MAGI2: variants seen among roughly 807,000 people sequenced by gnomAD.
The protein encoded by MAGI2 is membrane-associated guanylate kinase, WW and PDZ domain-containing protein 2.
Under a neutral mutation model 133.3 loss-of-function variants are expected in MAGI2, and 35 were observed. That is an observed-to-expected ratio of 0.26 (90% CI 0.20 to 0.35). MAGI2 has a LOEUF of 0.35. Among genes scored for constraint, MAGI2 ranks in the 10% least tolerant of loss-of-function variants. MAGI2 has a pLI of 1.00. For missense variants in MAGI2, 1,636 were observed against 1,863.4 expected, an observed-to-expected ratio of 0.88 and a Z score of 2.25; for synonymous variants, 729 against 710.6, an observed-to-expected ratio of 1.03 and a Z score of -0.41.
chr7:78,674,731 CA>C (rs745668934), intron 2 of MAGI2, among the ~76,000 whole-genome samples: 101 of 152,078 alleles, frequency 6.6e-4, no homozygotes, highest in Non-Finnish European at 9.9e-4. Flanking sequence ...AGATTATATG[CA>C]ACTATTCAAT....
chr7:79,087,124 T>G (rs970891842), intron 1 of MAGI2, among the ~76,000 whole-genome samples: 3 of 151,830 alleles, frequency 2.0e-5, no homozygotes, highest in African/African-American at 7.2e-5. Flanking sequence ...AGAAAAATAA[T>G]TACTTGATTC....
At chr7:78,666,889 T>A (rs1813653443) in intron 2 of MAGI2, among the ~76,000 whole-genome samples, 1 of 152,168 alleles carries the variant, frequency 6.6e-6, no homozygotes, top group Non-Finnish European at 1.5e-5. Flanking sequence ...TCTATTAACA[T>A]CAGTTTCTTC....
At chr7:78,962,832 A>G (rs375047760) in intron 2 of MAGI2, among the ~76,000 whole-genome samples, 3,912 of 76,472 alleles carry the variant, frequency 0.051, 167 homozygotes, top group African/African-American at 0.19. Flanking sequence ...CTAATTATCA[A>G]ATTAAACTCT....
intron 2 of MAGI2, among the ~76,000 whole-genome samples, chr7:78,783,207 A>C (rs2151346570): frequency 6.6e-6 from 1 of 152,200 alleles, no homozygotes; most frequent in Middle Eastern, 3.4e-3. Flanking sequence ...GCTCTTCAAG[A>C]TAAAATCCTC....
intron 9 of MAGI2, among the ~76,000 whole-genome samples, chr7:78,327,158 T>G (rs1313782508): frequency 6.6e-6 from 1 of 152,210 alleles, no homozygotes; most frequent in Non-Finnish European, 1.5e-5. Flanking sequence ...TGGGTATTCC[T>G]TGCCCAGCAG....
intron 1 of MAGI2, among the ~76,000 whole-genome samples, chr7:79,352,066 T>C (rs1390945633): frequency 3.3e-5 from 5 of 152,142 alleles, no homozygotes; most frequent in Admixed American, 6.5e-5. Flanking sequence ...TAACACCATA[T>C]AGAAATTAAT....
rs907240093 is a variant in MAGI2 at position 79,366,834 on chromosome 7, T to G, written c.301+86186A>C. 6.6e-5 allele frequency among the ~76,000 whole-genome samples: 10 copies of G among 152,338 alleles called. No homozygotes were observed. The South Asian group carries it at 2.1e-3, about 32-fold the overall frequency. ...AACAGAATTTTTTCATAGGATATAT[T>G]ATGATGTTGGGTAAAACACATACAA... On this transcript the variant is annotated intron_variant, in intron 1 of 21. Transcript: ENST00000354212.
chr7:78,627,283 T>A, intron 2 of MAGI2, 44 bp from the exon 3 acceptor site: 1 of 1,456,704 alleles, frequency 6.9e-7, no homozygotes, highest in East Asian at 2.6e-5. Flanking sequence ...GCTAAGTGAT[T>A]TGTTGTTGAA....
chr7:79,341,614 T>A (rs1015686567), intron 1 of MAGI2, among the ~76,000 whole-genome samples: 3 of 152,178 alleles, frequency 2.0e-5, no homozygotes, highest in South Asian at 2.1e-4. Flanking sequence ...AGTTCATAAA[T>A]ATCAACACTC....
chr7:78,643,967 C>CA (rs1266342703), intron 2 of MAGI2, among the ~76,000 whole-genome samples: 2 of 151,066 alleles, frequency 1.3e-5, no homozygotes, highest in African/African-American at 2.4e-5. Flanking sequence ...TATAATAATG[C>CA]AAAAAAAGTT....
At chr7:79,313,437 G>A (rs527286704) in intron 1 of MAGI2, among the ~76,000 whole-genome samples, 15 of 151,398 alleles carry the variant, frequency 9.9e-5, no homozygotes, top group African/African-American at 2.4e-4. Flanking sequence ...TCTCCCTCCC[G>A]CCCTTCTTCC....
intron 2 of MAGI2, among the ~76,000 whole-genome samples, chr7:78,784,542 T>G (rs1207622350): frequency 6.6e-6 from 1 of 152,160 alleles, no homozygotes; most frequent in East Asian, 1.9e-4. Context: ...CTTAACCTCT[T>G]CCGATAGTAG....
intron 2 of MAGI2, among the ~76,000 whole-genome samples, chr7:78,671,446 C>T (rs1464343610): frequency 6.6e-6 from 1 of 152,082 alleles, no homozygotes; most frequent in Non-Finnish European, 1.5e-5. Flanking sequence ...GCATGTGTGA[C>T]TGAAATTCAT....
intron 3 of MAGI2, among the ~76,000 whole-genome samples, chr7:78,536,323 G>C (rs1442389708): frequency 6.6e-6 from 1 of 150,736 alleles, no homozygotes; most frequent in African/African-American, 2.4e-5. Flanking sequence ...CGTTTTAGCC[G>C]GGATGGTCTC....
rs139403356 is a variant in MAGI2 at position 79,002,082 on chromosome 7, C to G, written c.418+5008G>C. Among the ~76,000 whole-genome samples, 210 of 151,898 alleles carry G rather than the reference C, an allele frequency of 1.4e-3. 1 individual carries two copies. Among genetic ancestry groups the G allele is most frequent in the African/African-American group, 4.7e-3 (195 of 41,426 alleles). On this transcript the variant is annotated intron_variant, in intron 2 of 21. Transcript: ENST00000354212. The stretch of plus-strand genomic sequence containing the variant: ...ACAAATCTTAAAAATCTTATATAGC[C>G]TGAAATCTAATCGTAGAAAGATTCA...
chr7:78,064,955 T>G (rs1223339552), intron 21 of MAGI2, among the ~76,000 whole-genome samples: 4 of 152,220 alleles, frequency 2.6e-5, no homozygotes, highest in African/African-American at 9.6e-5. Context: ...TAGCGAATAC[T>G]AACTCGATGT....
intron 2 of MAGI2, among the ~76,000 whole-genome samples, chr7:78,972,416 T>C (rs958229159): frequency 2.0e-5 from 3 of 151,948 alleles, no homozygotes; most frequent in African/African-American, 7.2e-5. Context: ...TTAAATATCC[T>C]TTTATTTTTA....
At chr7:78,214,161 A>C (rs533278263) in intron 10 of MAGI2, among the ~76,000 whole-genome samples, 2 of 152,246 alleles carry the variant, frequency 1.3e-5, no homozygotes, top group African/African-American at 4.8e-5. Context: ...TGATTTGTCT[A>C]TTTCAGACTT....
At chr7:78,961,426 TCTC>T (rs1802831015) in intron 2 of MAGI2, among the ~76,000 whole-genome samples, 4 of 152,044 alleles carry the variant, frequency 2.6e-5, no homozygotes, top group Admixed American at 2.0e-4. Context: ...CAGAAAAACA[TCTC>T]CTTTGGCTCT....
Sources: gnomAD v4.1 joint callset for allele counts (sites outside exome capture counted in the v4.1 genomes callset) on GRCh38, gnomAD v4.1.1 for gene constraint, MANE v1.5 for transcripts, NCBI Gene and HGNC (gene_info 2026-07-23, HGNC 2026-07-21) for gene names.